Variants in BFSP1 observed in about 807,000 individuals in gnomAD.
The protein encoded by BFSP1 is filensin.
Under a neutral mutation model 43.9 loss-of-function variants are expected in BFSP1, and 38 were observed. The observed-to-expected ratio is 0.87, with a 90% CI of 0.67 to 1.14. The LOEUF (loss-of-function observed/expected upper bound fraction) is 1.14. BFSP1 is among the 50% of genes most tolerant of loss of function. The pLI is 0.00. For synonymous variants in BFSP1, 352 were observed against 354.8 expected (o/e 0.99, Z 0.09); for missense variants, 850 against 875.1 (o/e 0.97, Z 0.36).
At chr20:17,512,112 C>T in intron 3 of BFSP1, 44 bp from the exon 4 acceptor site, 11 of 1,498,612 alleles carry the variant, frequency 7.3e-6, no homozygotes, top group Non-Finnish European at 1.0e-5. Context: ...TTGAGCTGCG[C>T]TGGTTTTTCC....
intron 5 of BFSP1, among the ~76,000 whole-genome samples, chr20:17,505,260 C>T (rs1478896696): frequency 6.6e-6 from 1 of 152,198 alleles, no homozygotes; most frequent in Admixed American, 6.5e-5. Flanking sequence ...GTCCGCCCAG[C>T]GTCTCCCAGA....
intron 3 of BFSP1, among the ~76,000 whole-genome samples, chr20:17,514,358 C>T (rs527579935): frequency 9.9e-5 from 15 of 152,272 alleles, no homozygotes; most frequent in South Asian, 2.1e-4. Flanking sequence ...CTGCAATTAA[C>T]GGGCTCAGAG....
Position 17,537,340 on chromosome 20 carries a change from G to A in BFSP1, c.3-12432C>T, listed in dbSNP as rs539532041. 4.6e-5 allele frequency among the ~76,000 whole-genome samples: 7 copies of A among 152,214 alleles called. No individual in the cohort carries two copies. The East Asian group carries it at 5.8e-4, about 13-fold the overall frequency. ...CCATGAGGCCCCAGTCTCTAAAGAC[G>A]CACCCGTGAAGTATGCTCAGTGCTC... On this transcript the variant is annotated intron_variant, in intron 1 of 7. Transcript: ENST00000377868.
intron 5 of BFSP1, 49 bp downstream of exon 5, chr20:17,508,840 A>T: frequency 1.4e-6 from 2 of 1,467,940 alleles, no homozygotes; most frequent in Non-Finnish European, 1.8e-6. Flanking sequence ...TAACACCTCC[A>T]TGAAACATGT....
chr20:17,521,523 G>A (rs916440675), intron 2 of BFSP1, among the ~76,000 whole-genome samples: 5 of 152,288 alleles, frequency 3.3e-5, no homozygotes, highest in South Asian at 2.1e-4. Flanking sequence ...CTAAAACCTC[G>A]TTGATCTGAT....
chr20:17,511,668 C>T (rs1310629745), intron 4 of BFSP1, among the ~76,000 whole-genome samples: 2 of 152,236 alleles, frequency 1.3e-5, no homozygotes, highest in South Asian at 2.1e-4. Flanking sequence ...AACAATGGCA[C>T]ATCGCTTTGG....
intron 1 of BFSP1, among the ~76,000 whole-genome samples, chr20:17,549,872 C>A (rs555973975): frequency 6.6e-6 from 1 of 152,242 alleles, no homozygotes; most frequent in Non-Finnish European, 1.5e-5. Flanking sequence ...AAGTAAACCA[C>A]TCATAAAGGA....
chr20:17,564,790 T>C (rs1251035602), intron 1 of BFSP1, among the ~76,000 whole-genome samples: 1 of 152,152 alleles, frequency 6.6e-6, no homozygotes, highest in Non-Finnish European at 1.5e-5. Context: ...GGTTTCACCA[T>C]GTTAGTCAGG....
intron 1 of BFSP1, among the ~76,000 whole-genome samples, chr20:17,548,053 G>C (rs1568714622): frequency 6.6e-6 from 1 of 151,206 alleles, no homozygotes; most frequent in Non-Finnish European, 1.5e-5. Context: ...CCAGCCAATA[G>C]AGGCATTTTT....
At chr20:17,549,708 C>T (rs573489330) in intron 1 of BFSP1, among the ~76,000 whole-genome samples, 1 of 152,250 alleles carries the variant, frequency 6.6e-6, no homozygotes, top group African/African-American at 2.4e-5. Context: ...TGGTGGCACA[C>T]ACCTGTAATC....
intron 1 of BFSP1, among the ~76,000 whole-genome samples, chr20:17,548,169 A>G (rs999129637): frequency 3.8e-5 from 5 of 132,844 alleles, no homozygotes; most frequent in African/African-American, 2.9e-5. Flanking sequence ...TCCAAATTGC[A>G]GAAAATAATG....
rs564948304 is a variant in BFSP1, at chr20:17,506,354, C to T, written c.735+2535G>A. 2.0e-5 allele frequency among the ~76,000 whole-genome samples: 3 copies of T among 152,126 alleles called. No homozygotes were observed. In the South Asian group the frequency reaches 6.3e-4, roughly 32 times the overall value. ...CCCAGACTTCCCACCTACACAACTG[C>T]GATGACACGGGTGCTGGTGGTGACT... On this transcript the variant is annotated intron_variant, in intron 5 of 7. Transcript: ENST00000377873.
intron 2 of BFSP1, 121 bp downstream of exon 2, chr20:17,524,727 C>A (rs2034383778): frequency 3.8e-6 from 4 of 1,054,082 alleles, no homozygotes. Context: ...GACAGAGTGA[C>A]TGCAAAAGAA....
Position 17,496,970 on chromosome 20 carries a change from C to T in BFSP1, c.1010G>A (p.Gly337Glu). ...ACCGGATCCAGTGCTGAGAGAGACTCCATGGCTCTGGGTGAACAGGGGAAT... is the reference window on the plus strand; with the variant it reads ...ACCGGATCCAGTGCTGAGAGAGACTTCATGGCTCTGGGTGAACAGGGGAAT... ...TPIPLFTQSHGVSLSTGSGGK... is the reference protein window; with the variant it reads ...TPIPLFTQSHEVSLSTGSGGK... Residue 337 changes from glycine (G) to glutamate (E), a missense_variant, in exon 7 of 8, where the codon GGA (glycine) becomes GAA (glutamate). Coordinates refer to ENST00000377873, the MANE Select transcript of BFSP1 (RefSeq NM_001195.5). 6.5e-7 allele frequency: 1 copy of T among 1,544,540 alleles called. No homozygotes were observed.
chr20:17,538,025 A>G (rs2034657633), intron 1 of BFSP1, among the ~76,000 whole-genome samples: 1 of 151,910 alleles, frequency 6.6e-6, no homozygotes, highest in South Asian at 2.1e-4. Context: ...GGAGGCTGAG[A>G]TGAGAGGATC....
intron 2 of BFSP1, 80 bp downstream of exon 2, chr20:17,524,768 A>G: frequency 1.4e-6 from 2 of 1,455,664 alleles, no homozygotes; most frequent in South Asian, 1.1e-5. Context: ...ACAAAGAGGA[A>G]GCCTGTAAAA....
chr20:17,541,294 AATGG>A, intron 1 of BFSP1: 3 of 981,950 alleles, frequency 3.1e-6, no homozygotes, highest in Non-Finnish European at 3.6e-6. Flanking sequence ...GAAACTCTTA[AATGG>A]GAAAGCTGAA....
chr20:17,520,971 T>G (rs2034309097), intron 2 of BFSP1, among the ~76,000 whole-genome samples: 1 of 152,188 alleles, frequency 6.6e-6, no homozygotes, highest in South Asian at 2.1e-4. Context: ...GTGAAAGCAT[T>G]TGACTAGAAA....
intron 5 of BFSP1, among the ~76,000 whole-genome samples, chr20:17,499,316 T>C (rs1416767747): frequency 6.7e-6 from 1 of 148,616 alleles, no homozygotes; most frequent in African/African-American, 2.5e-5. Context: ...CAATCTCGGC[T>C]CACTGCATCC....
Sources: gnomAD v4.1 joint callset for allele counts (sites outside exome capture counted in the v4.1 genomes callset) on GRCh38, gnomAD v4.1.1 for gene constraint, MANE v1.5 for transcripts, NCBI Gene and HGNC (gene_info 2026-07-23, HGNC 2026-07-21) for gene names.